The following STX12 variants were observed in gnomAD, a reference collection of about 807,000 sequenced individuals.
The protein encoded by STX12 is syntaxin-12.
In STX12, 17 loss-of-function variants were observed where a neutral mutation model predicts 42.2. That is an observed-to-expected ratio of 0.40 (90% CI 0.28 to 0.60). The LOEUF (loss-of-function observed/expected upper bound fraction) is 0.60. Ranked by LOEUF, STX12 falls within the 20% of genes least tolerant of loss-of-function variation. STX12 has a pLI of 0.39. For synonymous variants in STX12, 108 were observed against 116.7 expected (o/e 0.93, Z 0.48); for missense variants, 297 against 330.9 (o/e 0.90, Z 0.79).
At chr1:27,819,568 C>T (rs527262415) in intron 7 of STX12, 82 bp from the exon 8 acceptor site, 13 of 1,206,918 alleles carry the variant, frequency 1.1e-5, no homozygotes, top group Admixed American at 2.0e-5. Flanking sequence ...GAAACCAGGA[C>T]ATGTAACATC....
chr1:27,781,762 T>C (rs1296391512), intron 1 of STX12, among the ~76,000 whole-genome samples: 1 of 152,186 alleles, frequency 6.6e-6, no homozygotes, highest in Non-Finnish European at 1.5e-5. Flanking sequence ...GTGGAGACCA[T>C]GCATTATACA....
At position 27,773,232 on chromosome 1, in the gene STX12, T is replaced by C. The variant is rs1397058406; in HGVS notation, c.-76T>C. The C allele has an allele frequency of 3.1e-6, 3 of 960,292 alleles. No homozygotes were observed. The East Asian group carries it at 7.9e-5, about 25-fold the overall frequency. 59.5% of individuals were successfully genotyped at this position (960,292 alleles called of 1,614,324 possible). ...GCCCTTGCTCTTCCCAGTTTCTCCG[T>C]CAGCCTGCGGGTCCCGGCTGGCGGC... is the stretch of plus-strand genomic sequence containing the variant. On this transcript the variant is annotated 5_prime_UTR_variant, in exon 1 of 9. Transcript: ENST00000373943.
Position 27,822,380 on chromosome 1 carries a change from T to TG in STX12, c.*52dup, listed in dbSNP as rs2088990962. 1.3e-5 allele frequency: 15 copies of TG among 1,195,416 alleles called. No individual in the cohort carries two copies. Among genetic ancestry groups the TG allele is most frequent in the Non-Finnish European group, 1.8e-5 (14 of 797,914 alleles). The allele number at this position is 1,195,416 out of a possible 1,614,324, so 74.1% of individuals were successfully genotyped here. A position where few individuals can be genotyped will look rare whatever the true frequency, so the allele number is the denominator to read the frequency against. ...GCTGTTTTCAAGGGCAAGTGCTTGT[T>TG]GAAGTCTTGCCAGAACAAACTGATC... On this transcript the variant is annotated 3_prime_UTR_variant, in exon 9 of 9. Transcript: ENST00000373943.
chr1:27,782,046 A>G (rs1180345268), intron 1 of STX12, among the ~76,000 whole-genome samples: 1 of 152,134 alleles, frequency 6.6e-6, no homozygotes, highest in Non-Finnish European at 1.5e-5. Context: ...TTTACTCAAG[A>G]TCACTTTGCT....
intron 1 of STX12, 151 bp downstream of exon 1, chr1:27,773,576 C>A: frequency 1.5e-6 from 1 of 677,904 alleles, no homozygotes. Context: ...GGGCTGCCAT[C>A]CCCCAATCTG....
chr1:27,822,490 T>C lies in STX12; in HGVS notation c.*161T>C. ...ACTAGTCTTTGGAATTCGTGACCTA[T>C]GGAGACAGTAATTATCAATTTATTG... On this transcript the variant is annotated 3_prime_UTR_variant, in exon 9 of 9. Coordinates refer to ENST00000373943, the MANE Select transcript of STX12 (RefSeq NM_177424.3). 1.9e-6 allele frequency: 1 copy of C among 536,356 alleles called. No homozygotes were observed. The allele number at this position is 536,356 out of a possible 1,614,324, so 33.2% of individuals were successfully genotyped here.
Position 27,812,251 on chromosome 1 carries a change from G to T in STX12, c.559G>T (p.Ala187Ser). The change falls in exon 6 of 9, where the codon GCA becomes TCA. Residue 187 changes from alanine (A) to serine (S), a missense_variant. Coordinates refer to ENST00000373943, the MANE Select transcript of STX12 (RefSeq NM_177424.3). ...DLELIKERET[A>S]IRQLEADILD... ...GGAACTTATTAAAGAAAGAGAAACG[G>T]CAATTCGGCAGCTGGAGGTGAGAGC... The T allele has an allele frequency of 6.4e-7, 1 of 1,556,746 alleles. No homozygotes were observed. Among genetic ancestry groups the T allele is most frequent in the Non-Finnish European group, 8.7e-7 (1 of 1,149,660 alleles).
At position 27,822,227 on chromosome 1, in the gene STX12, T is replaced by G. The variant is rs758814125; in HGVS notation, c.733-4T>G. The G allele has an allele frequency of 6.3e-7, 1 of 1,589,976 alleles. No homozygotes were observed. The highest frequency in any genetic ancestry group is 1.1e-5 in the South Asian group (1 of 90,520). Reference sequence around the variant, plus strand: ...GTATCTTGTTTACATATTTCTTTCCTCAGAAAAAATCTCGCAAGAAGATGT... The same window carrying G: ...GTATCTTGTTTACATATTTCTTTCCGCAGAAAAAATCTCGCAAGAAGATGT... On this transcript the variant is annotated splice_region_variant and splice_polypyrimidine_tract_variant and intron_variant, in intron 8 of 8. Coordinates refer to ENST00000373943, the MANE Select transcript of STX12 (RefSeq NM_177424.3).
chr1:27,801,837 G>T, intron 4 of STX12, 22 bp downstream of exon 4: 2 of 1,566,832 alleles, frequency 1.3e-6, no homozygotes, highest in Non-Finnish European at 1.7e-6. Context: ...CCCAAAAGAA[G>T]ACCTTTGCAA....
intron 6 of STX12, among the ~76,000 whole-genome samples, chr1:27,813,172 A>G (rs17162812): frequency 0.12 from 18,259 of 151,566 alleles, 3,659 homozygotes; most frequent in African/African-American, 0.42. Context: ...GACTAATAAA[A>G]TATCCTTTTT....
intron 4 of STX12, among the ~76,000 whole-genome samples, chr1:27,809,334 A>T (rs2088887295): frequency 7.0e-6 from 1 of 143,712 alleles, no homozygotes; most frequent in African/African-American, 2.5e-5. Flanking sequence ...ATTCCATCTC[A>T]AAAAAAAAAA....
At chr1:27,796,032 A>G (rs2088783571) in intron 3 of STX12, among the ~76,000 whole-genome samples, 1 of 152,216 alleles carries the variant, frequency 6.6e-6, no homozygotes, top group African/African-American at 2.4e-5. Flanking sequence ...AGAAAATCAA[A>G]TCTGCTACCA....
chr1:27,773,248 G>A lies in STX12; in HGVS notation c.-60G>A. ...GTTTCTCCGTCAGCCTGCGGGTCCC[G>A]GCTGGCGGCTGCTTCCGGTAGGAGA... On this transcript the variant is annotated 5_prime_UTR_variant, in exon 1 of 9. Coordinates refer to ENST00000373943, the MANE Select transcript of STX12 (RefSeq NM_177424.3). The A allele has an allele frequency of 2.5e-6, 3 of 1,181,222 alleles. No individual in the cohort carries two copies. The highest frequency in any genetic ancestry group is 1.3e-5 in the South Asian group (1 of 76,432). 73.2% of individuals were successfully genotyped at this position (1,181,222 alleles called of 1,614,324 possible).
chr1:27,790,201 T>C (rs2088729835), intron 2 of STX12, among the ~76,000 whole-genome samples: 1 of 152,234 alleles, frequency 6.6e-6, no homozygotes, highest in South Asian at 2.1e-4. Context: ...TCTGGTGGGT[T>C]CTTGGTCTTG....
intron 1 of STX12, among the ~76,000 whole-genome samples, chr1:27,783,302 G>A (rs2088680294): frequency 6.6e-6 from 1 of 152,096 alleles, no homozygotes; most frequent in Non-Finnish European, 1.5e-5. Flanking sequence ...GTCAGCGATA[G>A]GAGAAATTGA....
At chr1:27,816,669 C>T (rs1210268856) in intron 6 of STX12, among the ~76,000 whole-genome samples, 1 of 148,482 alleles carries the variant, frequency 6.7e-6, no homozygotes, top group Non-Finnish European at 1.5e-5. Context: ...CCTGTAATCC[C>T]AGCACTTTGG....
intron 5 of STX12, among the ~76,000 whole-genome samples, chr1:27,811,096 G>A (rs140858630): frequency 0.023 from 3,467 of 151,980 alleles, 130 homozygotes; most frequent in African/African-American, 0.079. Flanking sequence ...GAGGCGGGTG[G>A]ATCACCTGAG....
chr1:27,774,015 T>C (rs1239284634), intron 1 of STX12: 1 of 152,184 alleles, frequency 6.6e-6, no homozygotes, highest in Non-Finnish European at 1.5e-5. Flanking sequence ...ATGACTTCAT[T>C]TTAATAAAGA....
At chr1:27,798,719 GA>G (rs983651409) in intron 3 of STX12, among the ~76,000 whole-genome samples, 124 of 43,536 alleles carry the variant, frequency 2.8e-3, no homozygotes, top group African/African-American at 7.0e-3. Context: ...CTCAAAAAAA[GA>G]AAAAAAAAAA....
Sources: gnomAD v4.1 joint callset for allele counts (sites outside exome capture counted in the v4.1 genomes callset) on GRCh38, gnomAD v4.1.1 for gene constraint, MANE v1.5 for transcripts, NCBI Gene and HGNC (gene_info 2026-07-23, HGNC 2026-07-21) for gene names.